GRIN2A: variants seen among roughly 807,000 people sequenced by gnomAD.
The protein encoded by GRIN2A is glutamate ionotropic receptor NMDA type subunit 2A.
A neutral mutation model predicts 113.4 loss-of-function variants in GRIN2A; 22 were observed. That is an observed-to-expected ratio of 0.19 (90% CI 0.14 to 0.28). GRIN2A has a LOEUF of 0.28. Ranked by LOEUF, GRIN2A falls within the 10% of genes least tolerant of loss-of-function variation. The pLI, the probability that GRIN2A is intolerant of heterozygous loss-of-function variation, is 1.00. For synonymous variants in GRIN2A, 827 were observed against 738.4 expected, an observed-to-expected ratio of 1.12 and a Z score of -1.94; for missense variants, 1,502 against 1,887.0, an observed-to-expected ratio of 0.80 and a Z score of 3.78.
intron 2 of GRIN2A, among the ~76,000 whole-genome samples, chr16:9,940,070 G>GTC (rs2044833260): frequency 6.6e-6 from 1 of 151,838 alleles, no homozygotes; most frequent in African/African-American, 2.4e-5. Context: ...GAGTGTGTGT[G>GTC]TGTGTGTGTG....
At chr16:10,110,725 G>C (rs935915819) in intron 2 of GRIN2A, among the ~76,000 whole-genome samples, 2 of 152,190 alleles carry the variant, frequency 1.3e-5, no homozygotes, top group East Asian at 1.9e-4. Context: ...GGAATATTTA[G>C]TCCATAAAAA....
Position 9,860,377 on chromosome 16 carries a change from G to A in GRIN2A, c.1123-10416C>T, listed in dbSNP as rs538634345. 1.4e-3 allele frequency among the ~76,000 whole-genome samples: 202 copies of A among 149,208 alleles called. 2 individuals carry two copies. The highest frequency in any genetic ancestry group is 1.9e-3 in the Non-Finnish European group (126 of 67,690). On this transcript the variant is annotated intron_variant, in intron 4 of 12. Coordinates refer to ENST00000330684, the MANE Select transcript of GRIN2A (RefSeq NM_001134407.3). ...GCATGAGAATCACTTGAACCCAGGA[G>A]GCGGAGGTTGCAGTGAGCTGAGATT... is the stretch of plus-strand genomic sequence containing the variant.
chr16:9,889,202 C>A (rs2043645175), intron 4 of GRIN2A, among the ~76,000 whole-genome samples: 1 of 152,068 alleles, frequency 6.6e-6, no homozygotes, highest in South Asian at 2.1e-4. Context: ...AATTGTGTTT[C>A]TTCAGAATTT....
At chr16:9,885,007 G>A (rs1271704406) in intron 4 of GRIN2A, among the ~76,000 whole-genome samples, 2 of 151,942 alleles carry the variant, frequency 1.3e-5, no homozygotes, top group Non-Finnish European at 2.9e-5. Context: ...AAAGTGCTGG[G>A]ATTACAGGTG....
At chr16:10,175,533 A>T (rs1291893179) in intron 2 of GRIN2A, among the ~76,000 whole-genome samples, 1 of 152,220 alleles carries the variant, frequency 6.6e-6, no homozygotes, top group East Asian at 1.9e-4. Context: ...TTAAATTTCA[A>T]TGTATTTCCT....
chr16:10,025,877 A>G (rs2046810274), intron 2 of GRIN2A, among the ~76,000 whole-genome samples: 2 of 152,172 alleles, frequency 1.3e-5, no homozygotes, highest in Admixed American at 6.5e-5. Context: ...GATTGCAATG[A>G]CCTTATGTAT....
rs1031548784 is a variant in GRIN2A at position 9,755,240 on chromosome 16, C to T, written c.*7909G>A. 4 of 186,266 alleles carry T rather than the reference C, an allele frequency of 2.1e-5. No individual in the cohort carries two copies. Among genetic ancestry groups the T allele is most frequent in the African/African-American group, 4.7e-5 (2 of 42,750 alleles). 11.5% of individuals were successfully genotyped at this position (186,266 alleles called of 1,614,324 possible). On this transcript the variant is annotated 3_prime_UTR_variant, in exon 13 of 13. Transcript: ENST00000330684. Reference sequence around the variant, plus strand: ...ATCTGAGGAATGACTTCATTTTAAGCAATTTAGTTCTGGTTCCCTGGAGAG... The same window carrying T: ...ATCTGAGGAATGACTTCATTTTAAGTAATTTAGTTCTGGTTCCCTGGAGAG...
intron 3 of GRIN2A, among the ~76,000 whole-genome samples, chr16:9,933,213 C>T (rs770482319): frequency 3.9e-5 from 6 of 152,164 alleles, no homozygotes; most frequent in Non-Finnish European, 8.8e-5. Context: ...GTCCCCCTTT[C>T]CTGTACTTTT....
chr16:9,820,513 G>T (rs999102782), intron 10 of GRIN2A, among the ~76,000 whole-genome samples: 1 of 152,138 alleles, frequency 6.6e-6, no homozygotes, highest in Non-Finnish European at 1.5e-5. Flanking sequence ...CCCAAAATAG[G>T]ACATTACCCA....
intron 4 of GRIN2A, among the ~76,000 whole-genome samples, chr16:9,885,149 A>G (rs948008501): frequency 1.3e-5 from 2 of 152,128 alleles, no homozygotes; most frequent in Admixed American, 6.5e-5. Flanking sequence ...GAGAAGACAC[A>G]TAGTTTCCTA....
intron 5 of GRIN2A, among the ~76,000 whole-genome samples, chr16:9,847,789 T>C (rs2042801998): frequency 6.7e-6 from 1 of 148,880 alleles, no homozygotes; most frequent in African/African-American, 2.4e-5. Flanking sequence ...GTTTTATACA[T>C]TTCTAACATA....
intron 4 of GRIN2A, among the ~76,000 whole-genome samples, chr16:9,872,585 C>T (rs918150000): frequency 4.6e-5 from 7 of 152,074 alleles, no homozygotes; most frequent in African/African-American, 1.7e-4. Flanking sequence ...GGTAATGAAA[C>T]TCAAATCTTC....
chr16:10,135,814 T>C (rs1225160936), intron 2 of GRIN2A, among the ~76,000 whole-genome samples: 1 of 152,168 alleles, frequency 6.6e-6, no homozygotes, highest in Non-Finnish European at 1.5e-5. Flanking sequence ...CCACCCAGAT[T>C]ATCTAAGATA....
chr16:10,082,922 G>A (rs996448466), intron 2 of GRIN2A, among the ~76,000 whole-genome samples: 3 of 133,390 alleles, frequency 2.2e-5, no homozygotes, highest in Non-Finnish European at 4.8e-5. Context: ...AACCTAACTG[G>A]CCCATTTTCT....
At chr16:10,127,819 A>G (rs147643429) in intron 2 of GRIN2A, among the ~76,000 whole-genome samples, 14 of 152,152 alleles carry the variant, frequency 9.2e-5, no homozygotes, top group African/African-American at 3.4e-4. Context: ...AAAGAATTAA[A>G]CCTCGCCCAA....
chr16:10,018,239 A>G (rs2046646190), intron 2 of GRIN2A, among the ~76,000 whole-genome samples: 1 of 152,228 alleles, frequency 6.6e-6, no homozygotes, highest in Admixed American at 6.5e-5. Context: ...ATAGAAAACC[A>G]TAAGACTGTA....
At chr16:9,962,332 A>G (rs1333790097) in intron 2 of GRIN2A, among the ~76,000 whole-genome samples, 1 of 152,064 alleles carries the variant, frequency 6.6e-6, no homozygotes, top group Non-Finnish European at 1.5e-5. Flanking sequence ...GGCAACCTAC[A>G]GAATGGGAGA....
At chr16:10,139,874 C>G (rs1384408396) in intron 2 of GRIN2A, among the ~76,000 whole-genome samples, 1 of 152,028 alleles carries the variant, frequency 6.6e-6, no homozygotes, top group Non-Finnish European at 1.5e-5. Context: ...ATCCCCCAGG[C>G]TGGAGCACAG....
rs376769907 is a variant in GRIN2A at position 9,928,609 on chromosome 16, A to C, written c.1007+9350T>G. On this transcript the variant is annotated intron_variant, in intron 3 of 12. Coordinates refer to ENST00000330684, the MANE Select transcript of GRIN2A (RefSeq NM_001134407.3). ...CTCATCTCTCCAGATCCAAAGTTCC[A>C]TCACTCGTCACTTACTCATCTGTCC... is the stretch of plus-strand genomic sequence containing the variant. Among the ~76,000 whole-genome samples, 11 of 151,982 alleles carry C rather than the reference A, an allele frequency of 7.2e-5. No homozygotes were observed. The East Asian group carries it at 1.9e-3, about 27-fold the overall frequency.
Sources: allele counts gnomAD v4.1 joint callset (sites outside exome capture counted in the v4.1 genomes callset), GRCh38; gene constraint gnomAD v4.1.1; transcripts MANE v1.5; gene names NCBI Gene and HGNC (gene_info 2026-07-23, HGNC 2026-07-21).